Variants in SYTL3 observed in about 807,000 individuals in gnomAD.
SYTL3 encodes synaptotagmin like 3, also known as synaptotagmin-like protein 3.
In SYTL3, 88 loss-of-function variants were observed where a neutral mutation model predicts 82.1. The ratio of observed to expected loss-of-function variants is 1.07; its 90% confidence interval spans 0.90 to 1.28. The LOEUF is 1.28. SYTL3 is among the 50% of genes most tolerant of loss of function. SYTL3 has a pLI of 0.00. For synonymous variants in SYTL3, 311 were observed against 289.4 expected, an observed-to-expected ratio of 1.07 and a Z score of -0.76; for missense variants, 831 against 757.6, an observed-to-expected ratio of 1.10 and a Z score of -1.14.
intron 15 of SYTL3, among the ~76,000 whole-genome samples, chr6:158,761,153 C>A (rs1562475161): frequency 6.6e-6 from 1 of 152,138 alleles, no homozygotes; most frequent in Non-Finnish European, 1.5e-5. Flanking sequence ...ATGTGGGTAG[C>A]TGCTGCCCAG....
intron 10 of SYTL3, among the ~76,000 whole-genome samples, chr6:158,720,080 C>A (rs1479231609): frequency 4.0e-5 from 6 of 150,862 alleles, no homozygotes; most frequent in Non-Finnish European, 5.9e-5. Context: ...CAGAGTGAAA[C>A]CCTGTCTCAA....
rs936667097 is a variant in SYTL3 at position 158,744,911 on chromosome 6, A to G, written c.856-569A>G. Among the ~76,000 whole-genome samples the G allele has an allele frequency of 1.1e-4, 17 of 152,304 alleles. No individual in the cohort carries two copies. The East Asian group carries it at 3.3e-3, about 29-fold the overall frequency. On this transcript the variant is annotated intron_variant, in intron 11 of 17. Coordinates refer to ENST00000611299, the MANE Select transcript of SYTL3 (RefSeq NM_001242394.2). Reference sequence around the variant, plus strand: ...ATAGTTTTATTTTTCATTTTAGGTAACCAGAAAAATTCAGATACAATTTAC... The same window carrying G: ...ATAGTTTTATTTTTCATTTTAGGTAGCCAGAAAAATTCAGATACAATTTAC...
upstream of SYTL3, among the ~76,000 whole-genome samples, chr6:158,648,109 C>T (rs2128340419): frequency 6.6e-6 from 1 of 152,278 alleles, no homozygotes; most frequent in African/African-American, 2.4e-5. Context: ...GCCTGACCAA[C>T]ATGGAGAAAC....
At chr6:158,659,320 G>A (rs1380225595) in intron 2 of SYTL3, among the ~76,000 whole-genome samples, 2 of 152,154 alleles carry the variant, frequency 1.3e-5, no homozygotes, top group Admixed American at 6.5e-5. Flanking sequence ...AAGCCAGAAG[G>A]AGCTGTCTGT....
At position 158,757,304 on chromosome 6, in the gene SYTL3, G is replaced by A. The variant is rs779939358; in HGVS notation, c.1231G>A (p.Val411Met). 1.2e-6 allele frequency: 2 copies of A among 1,613,908 alleles called. No individual in the cohort carries two copies. Among genetic ancestry groups the A allele is most frequent in the Non-Finnish European group, 1.7e-6 (2 of 1,180,024 alleles). The change falls in exon 14 of 18, where the codon GTG (valine) becomes ATG (methionine). Residue 411 changes from valine (V) to methionine (M), a missense_variant. Val to Met is a conservative substitution (Grantham distance 21). Transcript: ENST00000611299. ...GGCCCGGAGAGTGTTTCTTGGAGAAGTGATCATTCCTCTGGCCACGTGGGA... is the reference window on the plus strand; with the variant it reads ...GGCCCGGAGAGTGTTTCTTGGAGAAATGATCATTCCTCTGGCCACGTGGGA... Reference protein sequence around the residue: ...TLARRVFLGEVIIPLATWDFE... With the variant: ...TLARRVFLGEMIIPLATWDFE...
rs547112578 is a variant in SYTL3, at chr6:158,683,501, G to A, written c.394+512G>A. Among the ~76,000 whole-genome samples the A allele has an allele frequency of 2.0e-5, 3 of 152,310 alleles. No individual in the cohort carries two copies. The South Asian group carries it at 6.2e-4, about 32-fold the overall frequency. ...CCCAAGGTGCTGGGATTACAGGCGT[G>A]AGCCACTGGGCCCGGCCAGGTTGGC... On this transcript the variant is annotated intron_variant, in intron 6 of 17. Transcript: ENST00000611299.
intron 5 of SYTL3, among the ~76,000 whole-genome samples, chr6:158,667,665 C>T (rs567891242): frequency 6.6e-6 from 1 of 152,282 alleles, no homozygotes; most frequent in Admixed American, 6.5e-5. Flanking sequence ...AGGCTCATTT[C>T]TCAAGAAAAA....
chr6:158,663,884 G>A (rs747341145), intron 4 of SYTL3, among the ~76,000 whole-genome samples: 1 of 152,038 alleles, frequency 6.6e-6, no homozygotes, highest in African/African-American at 2.4e-5. Context: ...GAGGAAGGGG[G>A]AGCATAAAAT....
chr6:158,728,305 A>G (rs1784978159), intron 11 of SYTL3, among the ~76,000 whole-genome samples: 1 of 151,650 alleles, frequency 6.6e-6, no homozygotes, highest in African/African-American at 2.4e-5. Flanking sequence ...ATTTTTTTCC[A>G]TATGGATATT....
At chr6:158,646,751 C>G (rs914278026), upstream of SYTL3, among the ~76,000 whole-genome samples, 1 of 152,190 alleles carries the variant, frequency 6.6e-6, no homozygotes, top group Non-Finnish European at 1.5e-5. Flanking sequence ...TTCTTATTAC[C>G]TGGCTTCAAC....
rs1790544410 is a variant in SYTL3 at position 158,764,550 on chromosome 6, GA to G, written c.1782del (p.Val595SerfsTer11). On this transcript the variant is annotated frameshift_variant, in exon 18 of 18. Transcript: ENST00000611299. LOFTEE classifies it high-confidence loss of function. ...ACSLSKLQWQ[K>X]VLSSPNLWTD... Reference sequence around the variant, plus strand: ...GCTCACTATCGAAGCTCCAGTGGCAGAAAGTCCTTTCCAGCCCCAATCTATG... The same window carrying G: ...GCTCACTATCGAAGCTCCAGTGGCAGAAGTCCTTTCCAGCCCCAATCTATG... 3.1e-6 allele frequency: 5 copies of G among 1,614,144 alleles called. No individual in the cohort carries two copies. The East Asian group carries it at 8.9e-5, about 29-fold the overall frequency.
intron 5 of SYTL3, among the ~76,000 whole-genome samples, chr6:158,667,594 T>A (rs986400006): frequency 6.6e-6 from 1 of 152,222 alleles, no homozygotes; most frequent in Non-Finnish European, 1.5e-5. Context: ...GTCGCACATC[T>A]GGGGACCTAG....
intron 9 of SYTL3, among the ~76,000 whole-genome samples, chr6:158,714,927 AAC>A (rs1306806193): frequency 4.6e-5 from 7 of 152,200 alleles, no homozygotes; most frequent in Admixed American, 3.3e-4. Context: ...GATGAGCAGA[AAC>A]AGTCGTCTCA....
chr6:158,677,892 T>C lies in SYTL3; in HGVS notation c.330-5033T>C, dbSNP rs534438685. Among the ~76,000 whole-genome samples the C allele has an allele frequency of 1.4e-4, 21 of 152,178 alleles. No homozygotes were observed. In the South Asian group the frequency reaches 3.3e-3, roughly 24 times the overall value. On this transcript the variant is annotated intron_variant, in intron 5 of 17. Coordinates refer to ENST00000611299, the MANE Select transcript of SYTL3 (RefSeq NM_001242394.2). Reference sequence around the variant, plus strand: ...CTGCTGCTGCTTTTGTTGTTGTTGTTGTTTTAATTTTATTTGAGAGACGGT... The same window carrying C: ...CTGCTGCTGCTTTTGTTGTTGTTGTCGTTTTAATTTTATTTGAGAGACGGT...
At chr6:158,735,834 C>T (rs1233722598) in intron 11 of SYTL3, among the ~76,000 whole-genome samples, 4 of 152,112 alleles carry the variant, frequency 2.6e-5, no homozygotes, top group African/African-American at 4.8e-5. Context: ...GGGTAGCAGG[C>T]GTTCTTACAA....
intron 12 of SYTL3, among the ~76,000 whole-genome samples, chr6:158,746,823 A>T (rs972455536): frequency 2.5e-4 from 8 of 31,914 alleles, no homozygotes; most frequent in Non-Finnish European, 4.7e-4. Context: ...AACTTGTTTT[A>T]AAAAAAAAAA....
At chr6:158,709,845 TG>T (rs539263433) in intron 8 of SYTL3, among the ~76,000 whole-genome samples, 134 of 152,296 alleles carry the variant, frequency 8.8e-4, no homozygotes, top group African/African-American at 3.2e-3. Context: ...GACAACAGCC[TG>T]GGCAACATAG....
intron 6 of SYTL3, among the ~76,000 whole-genome samples, chr6:158,696,320 C>A (rs188516842): frequency 6.6e-6 from 1 of 152,098 alleles, no homozygotes; most frequent in East Asian, 1.9e-4. Flanking sequence ...GTGTCTCAGC[C>A]TCCCGAGTAG....
chr6:158,735,294 C>T (rs1302274641), intron 11 of SYTL3, among the ~76,000 whole-genome samples: 1 of 152,106 alleles, frequency 6.6e-6, no homozygotes, highest in Non-Finnish European at 1.5e-5. Flanking sequence ...CCCATATACT[C>T]ATTAACTTTG....
Sources: gnomAD v4.1 joint callset for allele counts (sites outside exome capture counted in the v4.1 genomes callset) on GRCh38, gnomAD v4.1.1 for gene constraint, MANE v1.5 for transcripts, NCBI Gene and HGNC (gene_info 2026-07-23, HGNC 2026-07-21) for gene names.